Variants in GPC5 observed in about 807,000 individuals in gnomAD.
GPC5 encodes glypican 5, also known as glypican-5.
A neutral mutation model predicts 53.9 loss-of-function variants in GPC5; 47 were observed. The observed-to-expected ratio is 0.87, with a 90% confidence interval of 0.69 to 1.11. The LOEUF (loss-of-function observed/expected upper bound fraction) is 1.11. Among genes scored for constraint, GPC5 ranks in the 50% most tolerant of loss-of-function variants. The probability of loss-of-function intolerance (pLI) is 0.00; values close to 1 mark genes in which losing one functional copy is unlikely to be tolerated. For missense variants in GPC5, 748 were observed against 713.1 expected (o/e 1.05, Z -0.56); for synonymous variants, 286 against 263.3 (o/e 1.09, Z -0.84).
intron 7 of GPC5, among the ~76,000 whole-genome samples, chr13:92,700,738 C>G (rs930165568): frequency 6.6e-6 from 1 of 152,048 alleles, no homozygotes; most frequent in African/African-American, 2.4e-5. Context: ...TCCAGCTTTT[C>G]TCTGAGGTTA....
At chr13:92,312,336 A>G (rs372814392) in intron 7 of GPC5, among the ~76,000 whole-genome samples, 19 of 151,844 alleles carry the variant, frequency 1.3e-4, no homozygotes, top group Admixed American at 5.9e-4. Flanking sequence ...GAGTGGGGGG[A>G]AAAAAAACAA....
At chr13:92,116,844 T>C (rs542026727) in intron 6 of GPC5, among the ~76,000 whole-genome samples, 1 of 152,354 alleles carries the variant, frequency 6.6e-6, no homozygotes. Context: ...ATTATCAATA[T>C]TTTGTAATTG....
chr13:92,035,214 C>CAAA lies in GPC5; in HGVS notation c.1402-109600_1402-109598dup, dbSNP rs11410459. 1.0e-3 allele frequency among the ~76,000 whole-genome samples: 121 copies of CAAA among 119,712 alleles called. 3 individuals carry two copies. The highest frequency in any genetic ancestry group is 3.1e-3 in the African/African-American group (94 of 30,710). The allele number at this position is 119,712 out of a possible 152,430, so 78.5% of individuals were successfully genotyped here. A position where few individuals can be genotyped will look rare whatever the true frequency, so the allele number is the denominator to read the frequency against. On this transcript the variant is annotated intron_variant, in intron 6 of 7. Coordinates refer to ENST00000377067, the MANE Select transcript of GPC5 (RefSeq NM_004466.6). ...TGGGCGACAGAGCGAGACTCCGTCT[C>CAAA]AAAAAAAAAAAAAAAAAAGTTTAGA... is the stretch of plus-strand genomic sequence containing the variant.
At chr13:91,403,374 T>C (rs1025129614) in intron 1 of GPC5, among the ~76,000 whole-genome samples, 3 of 152,164 alleles carry the variant, frequency 2.0e-5, no homozygotes, top group African/African-American at 4.8e-5. Flanking sequence ...TTTGGGCTTG[T>C]GGTGGGCTAT....
intron 5 of GPC5, among the ~76,000 whole-genome samples, chr13:91,815,276 C>T (rs998841337): frequency 6.6e-6 from 1 of 152,078 alleles, no homozygotes; most frequent in Non-Finnish European, 1.5e-5. Context: ...GTCCCAGCTA[C>T]TCAGGAACAC....
chr13:91,509,371 A>G (rs2139325266), intron 2 of GPC5, among the ~76,000 whole-genome samples: 1 of 71,024 alleles, frequency 1.4e-5, no homozygotes, highest in East Asian at 5.5e-4. Context: ...AGTTACTTCA[A>G]TTAGGTCTTT....
chr13:92,190,670 T>C (rs2042216860), intron 7 of GPC5, among the ~76,000 whole-genome samples: 1 of 152,080 alleles, frequency 6.6e-6, no homozygotes, highest in South Asian at 2.1e-4. Context: ...TCATTTAAAA[T>C]GTATATTGCA....
At position 92,572,945 on chromosome 13, in the gene GPC5, G is replaced by C. The variant is rs1457961969; in HGVS notation, c.1562-293337G>C. On this transcript the variant is annotated intron_variant, in intron 7 of 7. Transcript: ENST00000377067. ...GATATGTAGATATTGACTTCTTTGA[G>C]ATGGTAAAGCACAAATCTCTCAAGT... Among the ~76,000 whole-genome samples the C allele has an allele frequency of 2.0e-5, 3 of 152,184 alleles. No individual in the cohort carries two copies. In the East Asian group the frequency reaches 5.8e-4, roughly 29 times the overall value.
At chr13:91,577,811 C>A (rs1594282113) in intron 2 of GPC5, among the ~76,000 whole-genome samples, 1 of 152,154 alleles carries the variant, frequency 6.6e-6, no homozygotes, top group East Asian at 1.9e-4. Context: ...ACACCTCTTA[C>A]CCTTATACCA....
In GPC5 at chr13:91,767,424, G is replaced by T. The variant is rs145631230; in HGVS notation, c.1280+11004G>T. On this transcript the variant is annotated intron_variant, in intron 5 of 7. Coordinates refer to ENST00000377067, the MANE Select transcript of GPC5 (RefSeq NM_004466.6). ...TGCTTATTTCTAACCAGTGGTTTGG[G>T]AATGTTCACTCACTGGTTAGTCTTA... Among the ~76,000 whole-genome samples, 589 of 152,300 alleles carry T rather than the reference G, an allele frequency of 3.9e-3. 3 individuals are homozygous for T. Among genetic ancestry groups the T allele is most frequent in the Non-Finnish European group, 6.2e-3 (423 of 68,022 alleles).
At chr13:91,580,027 C>G (rs2032298477) in intron 2 of GPC5, among the ~76,000 whole-genome samples, 1 of 151,962 alleles carries the variant, frequency 6.6e-6, no homozygotes, top group African/African-American at 2.4e-5. Flanking sequence ...TTTCACAGAA[C>G]ACATTTTATT....
chr13:92,213,052 T>TA (rs951707943), intron 7 of GPC5, among the ~76,000 whole-genome samples: 2 of 152,176 alleles, frequency 1.3e-5, no homozygotes, highest in African/African-American at 4.8e-5. Context: ...ATCCAGTTGA[T>TA]ACAAACTGCA....
intron 6 of GPC5, among the ~76,000 whole-genome samples, chr13:92,012,856 C>A (rs538298840): frequency 1.3e-5 from 2 of 152,324 alleles, no homozygotes; most frequent in African/African-American, 4.8e-5. Flanking sequence ...ATTTACTCAA[C>A]CTGCTGTGCT....
At chr13:91,472,723 T>C (rs1477115621) in intron 2 of GPC5, among the ~76,000 whole-genome samples, 3 of 152,230 alleles carry the variant, frequency 2.0e-5, no homozygotes. Context: ...TGAGGATAGT[T>C]TTACTGCTTT....
intron 2 of GPC5, among the ~76,000 whole-genome samples, chr13:91,668,180 G>T (rs1206799404): frequency 6.6e-6 from 1 of 152,158 alleles, no homozygotes; most frequent in African/African-American, 2.4e-5. Context: ...TCCAGATTCT[G>T]CCACCTTTGA....
At chr13:91,539,208 A>T (rs960750796) in intron 2 of GPC5, among the ~76,000 whole-genome samples, 11 of 152,168 alleles carry the variant, frequency 7.2e-5, no homozygotes, top group South Asian at 6.2e-4. Flanking sequence ...GCTTTTTTTT[A>T]AAAGCGTTAA....
chr13:91,895,342 G>GTA (rs1456332563), intron 5 of GPC5, among the ~76,000 whole-genome samples: 2 of 152,142 alleles, frequency 1.3e-5, no homozygotes, highest in Admixed American at 6.5e-5. Context: ...AACTGTGTGT[G>GTA]TATATACAGG....
intron 6 of GPC5, among the ~76,000 whole-genome samples, chr13:92,028,247 A>C (rs1594731999): frequency 6.6e-6 from 1 of 152,198 alleles, no homozygotes; most frequent in East Asian, 1.9e-4. Context: ...GACTCATTAA[A>C]TCAGTAACAC....
intron 7 of GPC5, among the ~76,000 whole-genome samples, chr13:92,723,977 G>A (rs929907015): frequency 3.3e-5 from 5 of 151,590 alleles, no homozygotes; most frequent in Admixed American, 2.0e-4. Flanking sequence ...CAGAAATAGA[G>A]TTGGAGGTTA....
Sources: gnomAD v4.1 joint callset for allele counts (sites outside exome capture counted in the v4.1 genomes callset) on GRCh38, gnomAD v4.1.1 for gene constraint, MANE v1.5 for transcripts, NCBI Gene and HGNC (gene_info 2026-07-23, HGNC 2026-07-21) for gene names.